Variants in SYT16 observed in about 807,000 individuals in gnomAD.
SYT16 encodes the protein synaptotagmin-16.
A neutral mutation model predicts 61.4 loss-of-function variants in SYT16; 42 were observed. The ratio of observed to expected loss-of-function variants is 0.68; its 90% CI spans 0.53 to 0.89. The LOEUF is 0.89. Ranked by LOEUF, SYT16 falls within the 40% of genes least tolerant of loss-of-function variation. The pLI, the probability that SYT16 is intolerant of heterozygous loss-of-function variation, is 0.00. For synonymous variants in SYT16, 314 were observed against 302.3 expected (o/e 1.04, Z -0.40); for missense variants, 804 against 807.3 (o/e 1.00, Z 0.05).
At chr14:61,855,049 T>C (rs2046733612) in intron 1 of SYT16, among the ~76,000 whole-genome samples, 1 of 152,194 alleles carries the variant, frequency 6.6e-6, no homozygotes, top group South Asian at 2.1e-4. Context: ...GTACCTTATC[T>C]ACAAGGACTG....
intron 1 of SYT16, among the ~76,000 whole-genome samples, chr14:61,847,370 T>C (rs1274545493): frequency 6.6e-6 from 1 of 152,226 alleles, no homozygotes; most frequent in Non-Finnish European, 1.5e-5. Flanking sequence ...AAATATGTCA[T>C]GCCATTCTCT....
intron 3 of SYT16, among the ~76,000 whole-genome samples, chr14:62,066,005 AG>A (rs779892338): frequency 1.2e-4 from 18 of 152,236 alleles, no homozygotes; most frequent in Non-Finnish European, 2.1e-4. Flanking sequence ...GAGATGACAA[AG>A]ATGTACTCTT....
chr14:62,106,645 A>G lies in SYT16; in HGVS notation c.*5938A>G, dbSNP rs945670925. ...TTCCACATTGATTTTTCTCTGCATC[A>G]TAGAAAGTTTTCTCTGAAGAGTTCC... On this transcript the variant is annotated 3_prime_UTR_variant, in exon 8 of 8. Transcript: ENST00000683842. The G allele has an allele frequency of 1.3e-5, 2 of 152,168 alleles. No individual in the cohort carries two copies. The highest frequency in any genetic ancestry group is 4.8e-5 in the African/African-American group (2 of 41,420). 9.4% of individuals were successfully genotyped at this position (152,168 alleles called of 1,614,324 possible). A position where few individuals can be genotyped will look rare whatever the true frequency, so the allele number is the denominator to read the frequency against.
chr14:61,914,820 G>C (rs2049058847), intron 1 of SYT16, among the ~76,000 whole-genome samples: 1 of 152,118 alleles, frequency 6.6e-6, no homozygotes, highest in Non-Finnish European at 1.5e-5. Context: ...GCCCCTTTTA[G>C]CCTGTTCTCC....
intron 3 of SYT16, among the ~76,000 whole-genome samples, chr14:62,016,829 T>C (rs1192321811): frequency 2.0e-5 from 3 of 152,220 alleles, no homozygotes; most frequent in Admixed American, 6.5e-5. Context: ...ACTTTATCTC[T>C]ATTTCTGATG....
At chr14:62,078,795 C>T (rs549698141) in intron 5 of SYT16, among the ~76,000 whole-genome samples, 75 of 152,188 alleles carry the variant, frequency 4.9e-4, no homozygotes, top group Non-Finnish European at 7.6e-4. Flanking sequence ...CCTTGGCGGT[C>T]GACAGAGAGA....
chr14:62,047,944 TG>T (rs1347674124), intron 3 of SYT16, among the ~76,000 whole-genome samples: 2 of 152,214 alleles, frequency 1.3e-5, no homozygotes, highest in African/African-American at 4.8e-5. Context: ...CTCTTTTTTT[TG>T]TTGTGTCTCT....
At chr14:61,879,521 C>T (rs2047619429) in intron 1 of SYT16, among the ~76,000 whole-genome samples, 1 of 152,108 alleles carries the variant, frequency 6.6e-6, no homozygotes, top group African/African-American at 2.4e-5. Context: ...TATTGCCAAC[C>T]CCAGTTTCCA....
intron 7 of SYT16, among the ~76,000 whole-genome samples, chr14:62,085,990 A>G (rs901426830): frequency 6.6e-6 from 1 of 152,164 alleles, no homozygotes; most frequent in Admixed American, 6.5e-5. Context: ...GGAACAGGGT[A>G]GAGATGCAGA....
At chr14:61,838,120 T>C (rs2046190042) in intron 1 of SYT16, among the ~76,000 whole-genome samples, 1 of 152,224 alleles carries the variant, frequency 6.6e-6, no homozygotes, top group Admixed American at 6.5e-5. Context: ...TTCCTGGGGA[T>C]TGGAGTGAGC....
chr14:62,027,777 G>A (rs1260837641), intron 3 of SYT16, among the ~76,000 whole-genome samples: 1 of 152,162 alleles, frequency 6.6e-6, no homozygotes. Flanking sequence ...TCTCAAGTCT[G>A]TAGTCAGCCA....
chr14:62,069,512 A>ACGTT (rs2056206386), intron 3 of SYT16, 91 bp from the exon 4 acceptor site: 1 of 1,288,262 alleles, frequency 7.8e-7, no homozygotes, highest in Non-Finnish European at 1.1e-6. Context: ...CTCATTGTCC[A>ACGTT]CGTTCTTCTC....
In SYT16 at chr14:62,069,586, C is replaced by T. The variant is rs73264209; in HGVS notation, c.524-17C>T. On this transcript the variant is annotated splice_polypyrimidine_tract_variant and intron_variant, in intron 3 of 7. Transcript: ENST00000683842. The stretch of plus-strand genomic sequence containing the variant: ...TATAGGCCACACAGGAGACTCATGG[C>T]TCTTGTTTACTCCCAGTCAACAGCT... 1.2e-6 allele frequency: 2 copies of T among 1,612,484 alleles called. No individual in the cohort carries two copies. The highest frequency in any genetic ancestry group is 1.7e-6 in the Non-Finnish European group (2 of 1,178,648).
chr14:61,875,468 T>C (rs2047457710), intron 1 of SYT16, among the ~76,000 whole-genome samples: 1 of 152,220 alleles, frequency 6.6e-6, no homozygotes, highest in African/African-American at 2.4e-5. Context: ...AAGGATATTA[T>C]TGGTTTTCAT....
chr14:62,079,248 C>T (rs2056619553), intron 5 of SYT16: 1 of 556,796 alleles, frequency 1.8e-6, no homozygotes, highest in East Asian at 8.2e-5. Flanking sequence ...CTAAGTACCT[C>T]TGAATAGAAA....
intron 1 of SYT16, chr14:61,865,261 G>T: frequency 1.2e-6 from 1 of 843,068 alleles, no homozygotes; most frequent in Non-Finnish European, 2.0e-6. Context: ...AGATGGAGGT[G>T]AGCATCTGTC....
At chr14:61,816,957 GC>G (rs1185353691) in intron 1 of SYT16, among the ~76,000 whole-genome samples, 6 of 150,244 alleles carry the variant, frequency 4.0e-5, no homozygotes, top group African/African-American at 1.5e-4. Context: ...CTTGCAGTGA[GC>G]CGAGATCCTG....
chr14:62,025,197 ACTGTCT>A (rs1430973390), intron 3 of SYT16, among the ~76,000 whole-genome samples: 1 of 152,154 alleles, frequency 6.6e-6, no homozygotes, highest in Non-Finnish European at 1.5e-5. Context: ...AGGCTGCCAC[ACTGTCT>A]TCCAAAGTGG....
intron 6 of SYT16, 126 bp from the exon 7 acceptor site, chr14:62,084,070 G>T: frequency 1.8e-6 from 2 of 1,106,616 alleles, no homozygotes; most frequent in Non-Finnish European, 2.5e-6. Context: ...CGCCGAGTGC[G>T]CCCTTAGTCA....
Sources: gnomAD v4.1 joint callset for allele counts (sites outside exome capture counted in the v4.1 genomes callset) on GRCh38, gnomAD v4.1.1 for gene constraint, MANE v1.5 for transcripts, NCBI Gene and HGNC (gene_info 2026-07-23, HGNC 2026-07-21) for gene names.